The following RBM19 variants were observed in gnomAD, a reference collection of about 807,000 sequenced individuals.
RBM19 encodes the protein probable RNA-binding protein 19.
In RBM19, 94 loss-of-function variants were observed where a neutral mutation model predicts 116.8. The observed-to-expected ratio is 0.80, with a 90% CI of 0.68 to 0.95. RBM19 has a LOEUF of 0.95. Among genes scored for constraint, RBM19 ranks in the 40% least tolerant of loss-of-function variants. The pLI, the probability that RBM19 is intolerant of heterozygous loss-of-function variation, is 0.00. For missense variants in RBM19, 1,161 were observed against 1,220.7 expected, an observed-to-expected ratio of 0.95 and a Z score of 0.73; for synonymous variants, 475 against 494.1, an observed-to-expected ratio of 0.96 and a Z score of 0.51.
Position 113,858,887 on chromosome 12 carries a change from C to T in RBM19, c.2568G>A (p.Gly856=). The change falls in exon 22 of 24, where the codon GGG becomes GGA. Residue 856 remains glycine (G), a synonymous_variant. Coordinates refer to ENST00000261741, the MANE Select transcript of RBM19 (RefSeq NM_016196.4). The part of the protein sequence containing the change: ...REIRELFSTF[G]ELKTVRLPKK... ...TTGGCAGGCGGACCGTCTTCAACTCCCCAAAGGTGCTAGAAACAAAAGGCA... is the reference window on the plus strand; with the variant it reads ...TTGGCAGGCGGACCGTCTTCAACTCTCCAAAGGTGCTAGAAACAAAAGGCA... 1 of 1,614,142 alleles carries T rather than the reference C, an allele frequency of 6.2e-7. No homozygotes were observed. Among genetic ancestry groups the T allele is most frequent in the Non-Finnish European group, 8.5e-7 (1 of 1,180,032 alleles).
At chr12:113,947,071 G>A (rs563954271) in intron 11 of RBM19, among the ~76,000 whole-genome samples, 1 of 152,194 alleles carries the variant, frequency 6.6e-6, no homozygotes, top group South Asian at 2.1e-4. Flanking sequence ...TCCATTCAAG[G>A]AGTATTTTTT....
chr12:113,887,646 A>AAG (rs1880631621), intron 21 of RBM19, among the ~76,000 whole-genome samples: 2 of 149,558 alleles, frequency 1.3e-5, no homozygotes, highest in Admixed American at 1.3e-4. Context: ...AAAAAAAAAA[A>AAG]AAAAAGAAAA....
chr12:113,824,219 C>T (rs1440949876), intron 23 of RBM19, among the ~76,000 whole-genome samples: 2 of 152,188 alleles, frequency 1.3e-5, no homozygotes, highest in South Asian at 2.1e-4. Context: ...AACTGAGGCA[C>T]GGACAGGCAG....
At chr12:113,959,493 A>T (rs1872296305) in intron 4 of RBM19, 89 bp from the exon 5 acceptor site, 1 of 1,379,268 alleles carries the variant, frequency 7.3e-7, no homozygotes, top group East Asian at 2.3e-5. Flanking sequence ...GATCTTTCTA[A>T]CTCTTAAGAG....
intron 1 of RBM19, among the ~76,000 whole-genome samples, chr12:113,962,972 G>A (rs145785809): frequency 4.2e-3 from 633 of 152,202 alleles, no homozygotes; most frequent in Non-Finnish European, 6.6e-3. Flanking sequence ...AGAGGGAGGC[G>A]GGAAGATCAG....
intron 15 of RBM19, among the ~76,000 whole-genome samples, chr12:113,939,528 T>C (rs1870360905): frequency 8.3e-6 from 1 of 121,010 alleles, no homozygotes; most frequent in South Asian, 2.7e-4. Flanking sequence ...GGCGGGCGGA[T>C]CACGAGGTCA....
At chr12:113,894,507 G>T (rs1216069330) in intron 21 of RBM19, among the ~76,000 whole-genome samples, 2 of 152,190 alleles carry the variant, frequency 1.3e-5, no homozygotes, top group East Asian at 3.8e-4. Context: ...CAGGCACAGT[G>T]CCTCTCCCCT....
chr12:113,952,647 G>GA (rs1423908103), intron 7 of RBM19, 57 bp from the exon 8 acceptor site: 13 of 1,384,526 alleles, frequency 9.4e-6, no homozygotes, highest in Non-Finnish European at 1.3e-5. Flanking sequence ...ACAACCCAAC[G>GA]AAAAGACATG....
intron 21 of RBM19, among the ~76,000 whole-genome samples, chr12:113,877,048 G>A (rs1343094257): frequency 6.6e-6 from 1 of 152,226 alleles, no homozygotes; most frequent in Non-Finnish European, 1.5e-5. Context: ...GATGGCACTT[G>A]GAGCCCACCA....
intron 21 of RBM19, among the ~76,000 whole-genome samples, chr12:113,878,319 T>C (rs758020219): frequency 6.6e-6 from 1 of 152,124 alleles, no homozygotes; most frequent in Non-Finnish European, 1.5e-5. Flanking sequence ...CTTAATCAGG[T>C]ACTTACAGGG....
At chr12:113,958,790 C>T (rs1007512279) in intron 5 of RBM19, among the ~76,000 whole-genome samples, 2 of 151,632 alleles carry the variant, frequency 1.3e-5, no homozygotes, top group African/African-American at 4.9e-5. Context: ...ACTCCCTCAC[C>T]TCCTCAGGGA....
At chr12:113,924,664 T>C (rs1436749489) in intron 18 of RBM19, 33 bp downstream of exon 18, 1 of 1,516,952 alleles carries the variant, frequency 6.6e-7, no homozygotes, top group African/African-American at 1.4e-5. Flanking sequence ...TCCGGCTGAA[T>C]ACTGAACACT....
chr12:113,945,846 C>G lies in RBM19; in HGVS notation c.1608G>C (p.Lys536Asn). The G allele has an allele frequency of 6.4e-7, 1 of 1,570,604 alleles. No individual in the cohort carries two copies. Among genetic ancestry groups the G allele is most frequent in the Non-Finnish European group, 8.8e-7 (1 of 1,140,638 alleles). The change falls in exon 13 of 24, where the codon AAG (lysine) becomes AAC (asparagine). Residue 536 changes from lysine to asparagine, a missense_variant. Physicochemically the swap from Lys to Asn is moderately conservative, Grantham distance 94 (BLOSUM62 0). Coordinates refer to ENST00000261741, the MANE Select transcript of RBM19 (RefSeq NM_016196.4). ...TACTCACGTGGTCAAACACTTGACT[C>G]TTGGTGGCGTTGTACTTCTGTGCGA... The part of the protein sequence containing the change: ...DAIAQKYNAT[K>N]SQVFDHETKG...
intron 22 of RBM19, among the ~76,000 whole-genome samples, chr12:113,847,537 G>A (rs1877099955): frequency 6.6e-6 from 1 of 152,034 alleles, no homozygotes; most frequent in South Asian, 2.1e-4. Context: ...AGATGGGGGA[G>A]AGGAATTGGT....
chr12:113,852,728 T>C (rs1877554821), intron 22 of RBM19, among the ~76,000 whole-genome samples: 1 of 152,154 alleles, frequency 6.6e-6, no homozygotes, highest in Non-Finnish European at 1.5e-5. Flanking sequence ...AGGGCAGCCT[T>C]ATTATTGCCT....
At chr12:113,831,957 C>T (rs1454105181) in intron 23 of RBM19, among the ~76,000 whole-genome samples, 1 of 152,150 alleles carries the variant, frequency 6.6e-6, no homozygotes, top group African/African-American at 2.4e-5. Context: ...CCTGCATGGC[C>T]AGCCATGTGC....
intron 21 of RBM19, among the ~76,000 whole-genome samples, chr12:113,863,874 T>C (rs1299075353): frequency 1.3e-5 from 2 of 152,202 alleles, no homozygotes; most frequent in Non-Finnish European, 2.9e-5. Flanking sequence ...ATGCCACCCC[T>C]ACCAATTTTC....
chr12:113,897,593 C>T (rs990428519), intron 21 of RBM19, among the ~76,000 whole-genome samples: 26 of 151,370 alleles, frequency 1.7e-4, no homozygotes, highest in Admixed American at 7.9e-4. Context: ...GGGAGGATCA[C>T]TTGAGGCCAG....
intron 22 of RBM19, among the ~76,000 whole-genome samples, chr12:113,855,854 AT>A (rs1877857404): frequency 6.6e-6 from 1 of 152,222 alleles, no homozygotes; most frequent in South Asian, 2.1e-4. Flanking sequence ...AGTGTGGACG[AT>A]TCTACGGGTC....
Sources: gnomAD v4.1 joint callset for allele counts (sites outside exome capture counted in the v4.1 genomes callset) on GRCh38, gnomAD v4.1.1 for gene constraint, MANE v1.5 for transcripts, NCBI Gene and HGNC (gene_info 2026-07-23, HGNC 2026-07-21) for gene names.